The following BSN variants were observed in gnomAD, a reference collection of about 807,000 sequenced individuals.
BSN encodes protein bassoon.
A neutral mutation model predicts 264.8 loss-of-function variants in BSN; 57 were observed. That is an observed-to-expected ratio of 0.22 (90% CI 0.17 to 0.27). The LOEUF (loss-of-function observed/expected upper bound fraction) is 0.27, where lower values mean the gene tolerates loss of function less well. Ranked by LOEUF, BSN falls within the 10% of genes least tolerant of loss-of-function variation. BSN has a pLI of 1.00. For synonymous variants in BSN, 2,059 were observed against 2,137.3 expected (o/e 0.96, Z 1.01); for missense variants, 4,615 against 5,232.5 (o/e 0.88, Z 3.64).
At chr3:49,608,308 C>T (rs1192291531) in intron 1 of BSN, among the ~76,000 whole-genome samples, 1 of 152,176 alleles carries the variant, frequency 6.6e-6, no homozygotes, top group Non-Finnish European at 1.5e-5. Flanking sequence ...AGACCACCAT[C>T]TATGTACATT....
Position 49,664,788 on chromosome 3 carries a change from C to T in BSN, c.11741-11C>T. 6.2e-7 allele frequency: 1 copy of T among 1,613,858 alleles called. No homozygotes were observed. Among genetic ancestry groups the T allele is most frequent in the African/African-American group, 1.3e-5 (1 of 75,020 alleles). ...ATTTCCTGATGGCTCTCTCCTCTTT[C>T]TTTGTCACAGCTGTCTCTGCTTTTG... On this transcript the variant is annotated splice_polypyrimidine_tract_variant and intron_variant, in intron 9 of 11. Coordinates refer to ENST00000296452, the MANE Select transcript of BSN (RefSeq NM_003458.4).
intron 1 of BSN, among the ~76,000 whole-genome samples, chr3:49,580,365 T>C (rs972922485): frequency 1.3e-5 from 2 of 152,250 alleles, no homozygotes; most frequent in Non-Finnish European, 2.9e-5. Context: ...TAAGACAGTT[T>C]TATTGAGATA....
At chr3:49,556,662 A>T (rs1180161111) in intron 1 of BSN, among the ~76,000 whole-genome samples, 1 of 152,214 alleles carries the variant, frequency 6.6e-6, no homozygotes, top group Non-Finnish European at 1.5e-5. Context: ...TCATTTTATC[A>T]TAGCACCTCA....
At chr3:49,664,889 G>C in intron 10 of BSN, 36 bp downstream of exon 10, 1 of 1,263,092 alleles carries the variant, frequency 7.9e-7, no homozygotes, top group Non-Finnish European at 1.1e-6. Context: ...CCTCTTCTGG[G>C]AAAGGCCCGA....
rs1357733435 is a variant in BSN, at chr3:49,585,355, A to G, written c.224+30529A>G. Among the ~76,000 whole-genome samples the G allele has an allele frequency of 6.6e-6, 1 of 152,074 alleles. No homozygotes were observed. The highest frequency in any genetic ancestry group is 1.9e-4 in the East Asian group (1 of 5,192). On this transcript the variant is annotated intron_variant, in intron 1 of 11. Coordinates refer to ENST00000296452, the MANE Select transcript of BSN (RefSeq NM_003458.4). This position sits in a 1 kb window ranked among gnomAD's most constrained non-coding sequence, Gnocchi z 4.7. ...CCACATCCCAGTATCTTCTGCACATATTTCACTAATTATTTCCTCTCGGAA... is the reference window on the plus strand; with the variant it reads ...CCACATCCCAGTATCTTCTGCACATGTTTCACTAATTATTTCCTCTCGGAA...
At position 49,661,538 on chromosome 3, in the gene BSN, C is replaced by T. The variant is rs1485919638; in HGVS notation, c.9693C>T (p.Tyr3231=). The T allele has an allele frequency of 3.1e-6, 5 of 1,614,078 alleles. No homozygotes were observed. Among genetic ancestry groups the T allele is most frequent in the Non-Finnish European group, 4.2e-6 (5 of 1,180,040 alleles). ...TGGAGCAGAACGTTCCTCGAAACTA[C>T]GTAATGATTGATGACATCAGTGAAC... The part of the protein sequence containing the change: ...TSLEQNVPRN[Y]VMIDDISELT... Residue 3231 remains tyrosine, a synonymous_variant, in exon 6 of 12, where the codon TAC becomes TAT. Transcript: ENST00000296452.
intron 1 of BSN, among the ~76,000 whole-genome samples, chr3:49,602,894 A>G (rs923361258): frequency 1.3e-5 from 2 of 152,146 alleles, no homozygotes; most frequent in African/African-American, 4.8e-5. Flanking sequence ...TCTTCTGCAC[A>G]CTCTGCCCCT....
Position 49,657,308 on chromosome 3 carries a change from C to T in BSN, c.7752C>T (p.Ser2584=), listed in dbSNP as rs202058635. Residue 2584 remains serine, a synonymous_variant, in exon 5 of 12, where the codon AGC becomes AGT. Coordinates refer to ENST00000296452, the MANE Select transcript of BSN (RefSeq NM_003458.4). ...TGGTCAGGAGGATTGCCGACAGCAG[C>T]GTGCAGACAGACGATGAGGATGGGG... ...PCVVRRIADS[S]VQTDDEDGES... is the part of the protein sequence containing the mutation. 23 of 1,613,416 alleles carry T rather than the reference C, an allele frequency of 1.4e-5. No homozygotes were observed. In the East Asian group the frequency reaches 2.2e-4, roughly 16 times the overall value.
intron 1 of BSN, among the ~76,000 whole-genome samples, chr3:49,589,821 T>C (rs2051964173): frequency 6.8e-6 from 1 of 147,212 alleles, no homozygotes; most frequent in Admixed American, 6.8e-5. Flanking sequence ...CTTCATTTTA[T>C]TTTTCCTTCT....
Position 49,661,412 on chromosome 3 carries a change from T to C in BSN, c.9567T>C (p.Tyr3189=), listed in dbSNP as rs752150454. 6 of 1,613,810 alleles carry C rather than the reference T, an allele frequency of 3.7e-6. No individual in the cohort carries two copies. Among genetic ancestry groups the C allele is most frequent in the Non-Finnish European group, 5.1e-6 (6 of 1,180,028 alleles). The change falls in exon 6 of 12, where the codon TAT becomes TAC. Residue 3189 remains tyrosine (Y), a synonymous_variant. Coordinates refer to ENST00000296452, the MANE Select transcript of BSN (RefSeq NM_003458.4). ...SYSGPAVSSG[Y]EQGKVPEVPR... Reference sequence around the variant, plus strand: ...GTGGCCCAGCAGTGAGCAGCGGCTATGAGCAGGGCAAGGTCCCTGAGGTGC... The same window carrying C: ...GTGGCCCAGCAGTGAGCAGCGGCTACGAGCAGGGCAAGGTCCCTGAGGTGC...
In BSN at chr3:49,656,334, C is replaced by T. The variant is rs749793602; in HGVS notation, c.6778C>T (p.Arg2260Cys). Residue 2260 changes from arginine (R) to cysteine (C), a missense_variant, in exon 5 of 12, where the codon CGC becomes TGC. Around this residue, in one of 3 missense-constraint regions of BSN, gnomAD observed 3,415 missense variants for 3,866.4 expected, o/e 0.88. Coordinates refer to ENST00000296452, the MANE Select transcript of BSN (RefSeq NM_003458.4). ...RVPLGPTGLY[R>C]YPAPSRFPIA... ...ACCTCTTGGACCCACAGGGCTGTAC[C>T]GCTATCCTGCACCAAGTAGATTTCC... is the stretch of plus-strand genomic sequence containing the variant. The T allele has an allele frequency of 4.3e-6, 7 of 1,612,004 alleles. No homozygotes were observed. The highest frequency in any genetic ancestry group is 3.3e-5 in the Admixed American group (2 of 59,892).
chr3:49,642,634 G>T lies in BSN; in HGVS notation c.1000G>T (p.Ala334Ser), dbSNP rs368147783. The T allele has an allele frequency of 5.0e-6, 8 of 1,602,112 alleles. No individual in the cohort carries two copies. In the Admixed American group the frequency reaches 6.8e-5, roughly 14 times the overall value. The change falls in exon 3 of 12, where the codon GCT becomes TCT. Residue 334 changes from alanine (A) to serine (S), a missense_variant. By Grantham distance (99) the Ala-to-Ser change is moderately conservative. This residue lies in a region of BSN where 1,197 missense variants were observed against 1,348.0 expected (regional missense o/e 0.89). Transcript: ENST00000296452. This position sits in a 1 kb window ranked among gnomAD's most constrained non-coding sequence, Gnocchi z 7.0. ...APAKSATAVP[A>S]GLGATEQTQE... ...GGCCAAAAGTGCCACCGCAGTGCCC[G>T]CTGGGCTTGGTGCCACTGAGCAGAC...
intron 1 of BSN, among the ~76,000 whole-genome samples, chr3:49,609,548 T>C (rs2029591): frequency 0.83 from 126,131 of 152,094 alleles, 52,645 homozygotes; most frequent in East Asian, 0.99. Context: ...AGGAGCCACA[T>C]GGTAGAGTGC....
At chr3:49,615,511 G>A (rs1396120549) in intron 1 of BSN, among the ~76,000 whole-genome samples, 1 of 152,100 alleles carries the variant, frequency 6.6e-6, no homozygotes, top group East Asian at 1.9e-4. Context: ...GAAGATGTCG[G>A]CCTCAAGGGA....
At chr3:49,563,045 C>T (rs141627003) in intron 1 of BSN, among the ~76,000 whole-genome samples, 7 of 152,292 alleles carry the variant, frequency 4.6e-5, no homozygotes, top group Middle Eastern at 6.8e-3. Flanking sequence ...CATTTTTCTT[C>T]AGCTCTATTG....
intron 1 of BSN, among the ~76,000 whole-genome samples, chr3:49,594,751 A>G (rs2052007872): frequency 6.6e-6 from 1 of 152,218 alleles, no homozygotes. Flanking sequence ...TTAAACTTAC[A>G]GATTAATTTG....
intron 3 of BSN, among the ~76,000 whole-genome samples, chr3:49,645,326 G>A (rs1412760354): frequency 6.6e-6 from 1 of 152,178 alleles, no homozygotes; most frequent in African/African-American, 2.4e-5. Flanking sequence ...GGAAGGTGTG[G>A]ATAGGCGGCC....
In BSN at chr3:49,663,470, C is replaced by T. The variant is rs751948228; in HGVS notation, c.11312C>T (p.Ala3771Val). Residue 3771 changes from alanine to valine, a missense_variant, in exon 7 of 12, where the codon GCA becomes GTA. By Grantham distance (64) the Ala-to-Val change is moderately conservative. Around this residue, in one of 3 missense-constraint regions of BSN, gnomAD observed 3,415 missense variants for 3,866.4 expected, o/e 0.88. Coordinates refer to ENST00000296452, the MANE Select transcript of BSN (RefSeq NM_003458.4). ...SPSSRQIPSG[A>V]ASRQPQTQQQ... ...TCATCCAGGCAAATACCCTCTGGGG[C>T]AGCATCACGCCAGCCACAGACACAG... 1 of 1,612,842 alleles carries T rather than the reference C, an allele frequency of 6.2e-7. No homozygotes were observed. Among genetic ancestry groups the T allele is most frequent in the East Asian group, 2.2e-5 (1 of 44,884 alleles).
At chr3:49,557,844 C>G (rs1285537684) in intron 1 of BSN, among the ~76,000 whole-genome samples, 1 of 152,248 alleles carries the variant, frequency 6.6e-6, no homozygotes, top group Non-Finnish European at 1.5e-5. Context: ...GGATTACAGG[C>G]GGGAGCCACT....
Sources: allele counts gnomAD v4.1 joint callset (sites outside exome capture counted in the v4.1 genomes callset), GRCh38; gene constraint gnomAD v4.1.1; regional missense constraint gnomAD v4.1.1; non-coding constraint Gnocchi (gnomAD v3.1); transcripts MANE v1.5; gene names NCBI Gene and HGNC (gene_info 2026-07-23, HGNC 2026-07-21).